DENND1A: variants seen among roughly 807,000 people sequenced by gnomAD.
The protein encoded by DENND1A is DENN domain-containing protein 1A.
A neutral mutation model predicts 113.7 loss-of-function variants in DENND1A; 51 were observed. That is an observed-to-expected ratio of 0.45 (90% CI 0.36 to 0.57). The LOEUF (loss-of-function observed/expected upper bound fraction) is 0.57, where lower values mean the gene tolerates loss of function less well. Among genes scored for constraint, DENND1A ranks in the 20% least tolerant of loss-of-function variants. DENND1A has a pLI of 0.00. For synonymous variants in DENND1A, 565 were observed against 570.8 expected, an observed-to-expected ratio of 0.99 and a Z score of 0.14; for missense variants, 1,258 against 1,395.9, an observed-to-expected ratio of 0.90 and a Z score of 1.57.
intron 12 of DENND1A, among the ~76,000 whole-genome samples, chr9:123,562,009 C>T (rs1418051307): frequency 1.3e-5 from 2 of 152,196 alleles, no homozygotes; most frequent in East Asian, 3.8e-4. Context: ...GGAGCGGTTT[C>T]CTCAGTGGGC....
intron 3 of DENND1A, among the ~76,000 whole-genome samples, chr9:123,770,290 A>G (rs1829519762): frequency 6.6e-6 from 1 of 152,214 alleles, no homozygotes; most frequent in Non-Finnish European, 1.5e-5. Context: ...AAATACATAT[A>G]TAGGTACATA....
intron 10 of DENND1A, among the ~76,000 whole-genome samples, chr9:123,626,485 C>T (rs1312949750): frequency 6.6e-6 from 1 of 151,980 alleles, no homozygotes; most frequent in Non-Finnish European, 1.5e-5. Context: ...CTCCCTTCTC[C>T]TGCTTTTTCT....
At chr9:123,836,186 G>T (rs542445779) in intron 2 of DENND1A, among the ~76,000 whole-genome samples, 58 of 152,232 alleles carry the variant, frequency 3.8e-4, no homozygotes, top group African/African-American at 1.2e-3. Flanking sequence ...GCTATCTGTT[G>T]ATTTTGAACA....
chr9:123,563,310 C>T (rs1391239985), intron 12 of DENND1A, among the ~76,000 whole-genome samples: 1 of 152,200 alleles, frequency 6.6e-6, no homozygotes, highest in Non-Finnish European at 1.5e-5. Context: ...TTTCACTGGT[C>T]ACTGTTCTCA....
intron 3 of DENND1A, 63 bp from the exon 4 acceptor site, chr9:123,769,626 C>G: frequency 7.0e-7 from 1 of 1,433,550 alleles, no homozygotes; most frequent in Non-Finnish European, 9.5e-7. Flanking sequence ...ACATTAACCA[C>G]AGCACACAAT....
chr9:123,478,836 C>T (rs945651768), intron 13 of DENND1A, among the ~76,000 whole-genome samples: 2 of 152,166 alleles, frequency 1.3e-5, no homozygotes, highest in Admixed American at 1.3e-4. Flanking sequence ...GAGCCAGAAC[C>T]TCAAGGGATG....
At chr9:123,830,145 A>G (rs1839959300) in intron 2 of DENND1A, among the ~76,000 whole-genome samples, 1 of 152,230 alleles carries the variant, frequency 6.6e-6, no homozygotes, top group African/African-American at 2.4e-5. Flanking sequence ...AATACTACTT[A>G]CCAGTAAAAA....
chr9:123,522,403 C>T (rs1473839338), intron 13 of DENND1A, among the ~76,000 whole-genome samples: 2 of 152,198 alleles, frequency 1.3e-5, no homozygotes, highest in Non-Finnish European at 2.9e-5. Flanking sequence ...AGGCCTGGTG[C>T]ATGGGAGCAA....
intron 2 of DENND1A, among the ~76,000 whole-genome samples, chr9:123,814,929 T>G (rs771649576): frequency 2.6e-5 from 4 of 152,262 alleles, no homozygotes; most frequent in Non-Finnish European, 5.9e-5. Context: ...ATATTATTCA[T>G]TGAATGATAG....
chr9:123,767,835 C>A (rs926204517), intron 4 of DENND1A, among the ~76,000 whole-genome samples: 3 of 152,186 alleles, frequency 2.0e-5, no homozygotes, highest in Non-Finnish European at 4.4e-5. Context: ...AAACAAATCA[C>A]CACTCTAACA....
chr9:123,818,241 A>G (rs1308047183), intron 2 of DENND1A, among the ~76,000 whole-genome samples: 3 of 151,400 alleles, frequency 2.0e-5, no homozygotes, highest in Non-Finnish European at 4.4e-5. Context: ...AGTAGCTGGG[A>G]CTACAGGCGC....
chr9:123,855,269 C>T (rs1321843868), intron 2 of DENND1A, among the ~76,000 whole-genome samples: 2 of 150,802 alleles, frequency 1.3e-5, no homozygotes, highest in South Asian at 2.1e-4. Context: ...AATTATAATA[C>T]GATATGCAGG....
At chr9:123,894,870 G>T (rs1363786847) in intron 1 of DENND1A, among the ~76,000 whole-genome samples, 2 of 152,172 alleles carry the variant, frequency 1.3e-5, no homozygotes, top group African/African-American at 4.8e-5. Context: ...GAAGCACCAT[G>T]AAGAGGTGAA....
chr9:123,796,258 T>C (rs1752164), intron 2 of DENND1A, among the ~76,000 whole-genome samples: 42,738 of 152,022 alleles, frequency 0.28, 9,963 homozygotes, highest in African/African-American at 0.64. Flanking sequence ...GAAAAGTGTG[T>C]ATCACTTTCA....
chr9:123,406,017 AG>A (rs540028414), intron 20 of DENND1A, among the ~76,000 whole-genome samples: 114 of 150,920 alleles, frequency 7.6e-4, no homozygotes, highest in Non-Finnish European at 1.2e-3. Context: ...AAGACAGGGA[AG>A]GGAAGCAGGC....
chr9:123,449,468 G>T (rs2047545031), intron 18 of DENND1A, among the ~76,000 whole-genome samples: 1 of 151,440 alleles, frequency 6.6e-6, no homozygotes, highest in Non-Finnish European at 1.5e-5. Flanking sequence ...CCGGGAGGTG[G>T]AGGTTGCAGT....
intron 19 of DENND1A, chr9:123,414,280 T>C: frequency 7.4e-7 from 1 of 1,343,128 alleles, no homozygotes; most frequent in Non-Finnish European, 9.5e-7. Context: ...GGACGTCAGG[T>C]TCTTTGCACA....
chr9:123,610,518 A>C lies in DENND1A; in HGVS notation c.720-1037T>G, dbSNP rs997469347. 5.3e-5 allele frequency among the ~76,000 whole-genome samples: 8 copies of C among 152,286 alleles called. No homozygotes were observed. In the East Asian group the frequency reaches 1.5e-3, roughly 29 times the overall value. ...TTGTAATATAGAACCTGAAATCCCCAAGCTCACTCCCCATGCAATGCTTTC... is the reference window on the plus strand; with the variant it reads ...TTGTAATATAGAACCTGAAATCCCCCAGCTCACTCCCCATGCAATGCTTTC... On this transcript the variant is annotated intron_variant, in intron 10 of 23. Coordinates refer to ENST00000394215, the MANE Select transcript of DENND1A (RefSeq NM_001352964.2).
At chr9:123,587,085 C>A (rs1467948306) in intron 11 of DENND1A, among the ~76,000 whole-genome samples, 1 of 150,888 alleles carries the variant, frequency 6.6e-6, no homozygotes, top group Non-Finnish European at 1.5e-5. Context: ...AGCTTCTGGT[C>A]CTGCGGTGCC....
Sources: gnomAD v4.1 joint callset for allele counts (sites outside exome capture counted in the v4.1 genomes callset) on GRCh38, gnomAD v4.1.1 for gene constraint, MANE v1.5 for transcripts, NCBI Gene and HGNC (gene_info 2026-07-23, HGNC 2026-07-21) for gene names.